The following CADM2 variants were observed in gnomAD, a reference collection of about 807,000 sequenced individuals.
CADM2 encodes the protein immunoglobulin superfamily member 4D.
A neutral mutation model predicts 49.8 loss-of-function variants in CADM2; 12 were observed. The observed-to-expected ratio is 0.24, with a 90% CI of 0.15 to 0.39. CADM2 has a LOEUF of 0.39. Among genes scored for constraint, CADM2 ranks in the 10% least tolerant of loss-of-function variants. The pLI is 1.00. For synonymous variants in CADM2, 214 were observed against 175.4 expected (o/e 1.22, Z -1.74); for missense variants, 378 against 492.3 (o/e 0.77, Z 2.20).
At chr3:85,842,738 C>G (rs916794936) in intron 3 of CADM2, among the ~76,000 whole-genome samples, 1 of 152,080 alleles carries the variant, frequency 6.6e-6, no homozygotes, top group Admixed American at 6.6e-5. Flanking sequence ...GTTTATTAAA[C>G]TTAGTCTTAT....
At chr3:85,858,049 G>A (rs1365023286) in intron 3 of CADM2, among the ~76,000 whole-genome samples, 2 of 152,152 alleles carry the variant, frequency 1.3e-5, no homozygotes, top group Non-Finnish European at 2.9e-5. Context: ...GTTAGCAGTG[G>A]AGACAAATCT....
intron 1 of CADM2, among the ~76,000 whole-genome samples, chr3:85,233,796 A>G (rs1285886998): frequency 6.6e-6 from 1 of 152,154 alleles, no homozygotes; most frequent in East Asian, 1.9e-4. Flanking sequence ...CTTGTTTCAC[A>G]AAATACATTG....
chr3:85,470,600 GATAAA>G (rs2038725292), intron 1 of CADM2, among the ~76,000 whole-genome samples: 1 of 152,170 alleles, frequency 6.6e-6, no homozygotes, highest in Admixed American at 6.5e-5. Flanking sequence ...TTTTTGGATA[GATAAA>G]ATAAAATTCT....
At chr3:85,697,089 A>ATATATGCCATATG (rs2066586233) in intron 1 of CADM2, among the ~76,000 whole-genome samples, 1 of 134,148 alleles carries the variant, frequency 7.5e-6, no homozygotes, top group Non-Finnish European at 1.8e-5. Context: ...TATGCCATAT[A>ATATATGCCATATG]TATATATGCC....
intron 1 of CADM2, among the ~76,000 whole-genome samples, chr3:85,006,993 T>A (rs1039373337): frequency 6.6e-6 from 1 of 152,158 alleles, no homozygotes; most frequent in African/African-American, 2.4e-5. Context: ...TTGCTTAGAT[T>A]TAAAAGCTTA....
chr3:85,742,695 A>G (rs2068445944), intron 2 of CADM2, among the ~76,000 whole-genome samples: 1 of 152,190 alleles, frequency 6.6e-6, no homozygotes, highest in Non-Finnish European at 1.5e-5. Flanking sequence ...TCTAAAATTT[A>G]TCTTTTCCAC....
intron 1 of CADM2, among the ~76,000 whole-genome samples, chr3:85,677,609 TA>T (rs1335575422): frequency 2.0e-5 from 3 of 152,192 alleles, no homozygotes; most frequent in Non-Finnish European, 4.4e-5. Flanking sequence ...AATAAAGAAT[TA>T]TTTTTGAACA....
chr3:85,300,572 T>C (rs2044072425), intron 1 of CADM2, among the ~76,000 whole-genome samples: 1 of 152,068 alleles, frequency 6.6e-6, no homozygotes, highest in African/African-American at 2.4e-5. Context: ...TTCCCAAACC[T>C]CTTCTGAACT....
intron 1 of CADM2, among the ~76,000 whole-genome samples, chr3:85,497,710 C>T (rs1220484560): frequency 6.6e-6 from 1 of 151,956 alleles, no homozygotes; most frequent in African/African-American, 2.4e-5. Context: ...GAATTAAATC[C>T]TTTATTTTTC....
intron 1 of CADM2, among the ~76,000 whole-genome samples, chr3:85,702,345 G>A (rs2066806245): frequency 6.6e-6 from 1 of 151,688 alleles, no homozygotes; most frequent in Non-Finnish European, 1.5e-5. Flanking sequence ...TGTACAGCTG[G>A]TTCTTATTAG....
At chr3:85,483,944 T>G (rs1484586798) in intron 1 of CADM2, among the ~76,000 whole-genome samples, 1 of 151,778 alleles carries the variant, frequency 6.6e-6, no homozygotes, top group Admixed American at 6.6e-5. Context: ...ACTAAATTTT[T>G]CTACCTTCTT....
At chr3:85,459,318 A>G (rs941499861) in intron 1 of CADM2, among the ~76,000 whole-genome samples, 12 of 152,166 alleles carry the variant, frequency 7.9e-5, no homozygotes, top group African/African-American at 2.7e-4. Context: ...TTTTGACAGG[A>G]AGCAAAATGT....
At chr3:84,999,860 G>A (rs1348201390) in intron 1 of CADM2, among the ~76,000 whole-genome samples, 1 of 152,106 alleles carries the variant, frequency 6.6e-6, no homozygotes, top group African/African-American at 2.4e-5. Flanking sequence ...AAACGTGTTT[G>A]TATATAAGAC....
intron 3 of CADM2, chr3:85,828,040 G>A (rs573657018): frequency 6.6e-6 from 1 of 151,930 alleles, no homozygotes; most frequent in Non-Finnish European, 1.5e-5. Context: ...ATTACTTCTA[G>A]GCCACAGTAG....
At chr3:85,603,422 G>A (rs1398020434) in intron 1 of CADM2, among the ~76,000 whole-genome samples, 1 of 151,764 alleles carries the variant, frequency 6.6e-6, no homozygotes, top group Non-Finnish European at 1.5e-5. Flanking sequence ...TCAACAAGTT[G>A]TTAGCCTACA....
At chr3:85,970,578 T>C (rs948408505) in intron 8 of CADM2, among the ~76,000 whole-genome samples, 7 of 151,638 alleles carry the variant, frequency 4.6e-5, no homozygotes, top group African/African-American at 1.7e-4. Flanking sequence ...CATTATTACC[T>C]TATCATTTAA....
chr3:85,264,188 G>T (rs1178940463), intron 1 of CADM2, among the ~76,000 whole-genome samples: 1 of 152,038 alleles, frequency 6.6e-6, no homozygotes. Context: ...GCTCAGCACA[G>T]ACTTTCCTAT....
intron 1 of CADM2, among the ~76,000 whole-genome samples, chr3:85,605,819 A>G (rs947465030): frequency 5.9e-5 from 9 of 152,112 alleles, no homozygotes; most frequent in African/African-American, 1.9e-4. Flanking sequence ...TCTTTGCTAA[A>G]CCTGATTTCA....
At chr3:85,992,571 C>A (rs1015392470) in intron 8 of CADM2, 2 of 152,130 alleles carry the variant, frequency 1.3e-5, no homozygotes, top group Admixed American at 6.6e-5. Flanking sequence ...CAATAAAGCA[C>A]ATATTACAAT....
Sources: gnomAD v4.1 joint callset for allele counts (sites outside exome capture counted in the v4.1 genomes callset) on GRCh38, gnomAD v4.1.1 for gene constraint, MANE v1.5 for transcripts, NCBI Gene and HGNC (gene_info 2026-07-23, HGNC 2026-07-21) for gene names.